Variants in SIRPA observed in about 807,000 individuals in gnomAD.
SIRPA encodes tyrosine-protein phosphatase non-receptor type substrate 1.
SIRPA carries 9 observed loss-of-function variants against 50.3 expected under a neutral mutation model. The observed-to-expected ratio is 0.18, with a 90% CI of 0.11 to 0.31. SIRPA has a LOEUF of 0.31. Among genes scored for constraint, SIRPA ranks in the 10% least tolerant of loss-of-function variants. The pLI, the probability that SIRPA is intolerant of heterozygous loss-of-function variation, is 1.00. For synonymous variants in SIRPA, 265 were observed against 284.1 expected, an observed-to-expected ratio of 0.93 and a Z score of 0.68; for missense variants, 474 against 661.6, an observed-to-expected ratio of 0.72 and a Z score of 3.11.
Position 1,932,313 on chromosome 20 carries a change from C to T in SIRPA, c.1227-2402C>T, listed in dbSNP as rs186509986. On this transcript the variant is annotated intron_variant, in intron 6 of 7. Transcript: ENST00000358771. This position sits in a 1 kb window ranked among gnomAD's most constrained non-coding sequence, Gnocchi z 6.0. ...CAGATCAAGGAGGTGGGGTCTGGGG[C>T]GAGCAGGGAGGGCTTGTCTGCAAGG... Among the ~76,000 whole-genome samples the T allele has an allele frequency of 3.5e-4, 54 of 152,118 alleles. 1 individual carries two copies. The East Asian group carries it at 4.3e-3, about 12-fold the overall frequency.
chr20:1,935,927 A>G (rs886878867), intron 7 of SIRPA, among the ~76,000 whole-genome samples: 2 of 152,184 alleles, frequency 1.3e-5, no homozygotes, highest in African/African-American at 4.8e-5. Context: ...GCTGTGTGCT[A>G]AGAGCACAGT....
At chr20:1,914,201 C>G (rs67558779) in intron 1 of SIRPA, among the ~76,000 whole-genome samples, 62,149 of 151,978 alleles carry the variant, frequency 0.41, 13,000 homozygotes, top group East Asian at 0.66. Context: ...CTTTTCAGAA[C>G]AAAGCAGAGG....
chr20:1,901,555 G>T (rs1395662828), intron 1 of SIRPA, among the ~76,000 whole-genome samples: 1 of 152,166 alleles, frequency 6.6e-6, no homozygotes, highest in Non-Finnish European at 1.5e-5. Flanking sequence ...CCATACTAGA[G>T]AAGGAAGCAT....
rs1463775942 is a variant in SIRPA, at chr20:1,924,396, T to G, written c.1088-368T>G. Among the ~76,000 whole-genome samples, 1 of 152,218 alleles carries G rather than the reference T, an allele frequency of 6.6e-6. No individual in the cohort carries two copies. The highest frequency in any genetic ancestry group is 2.4e-5 in the African/African-American group (1 of 41,462). On this transcript the variant is annotated intron_variant, in intron 4 of 7. Transcript: ENST00000358771. This position sits in a 1 kb window ranked among gnomAD's most constrained non-coding sequence, Gnocchi z 4.5. ...CACTGCCCTTCTTCCAGCTGCTGAT[T>G]CAGTTTCCAGTGGATCTGGGGTGCC...
At position 1,922,638 on chromosome 20, in the gene SIRPA, C is replaced by T. The variant is rs200639123; in HGVS notation, c.1080C>T (p.Thr360=). Residue 360 remains threonine, a synonymous_variant, in exon 4 of 8, where the codon ACC becomes ACT. Coordinates refer to ENST00000358771, the MANE Select transcript of SIRPA (RefSeq NM_001040023.2). ...ACCCGAAGGAGCAGGGCTCAAATAC[C>T]GCCGCTGGTGAGGCCTCTATTTCAG... ...SAHPKEQGSN[T]AAENTGSNER... is the part of the protein sequence containing the mutation. The T allele has an allele frequency of 1.4e-5, 23 of 1,611,864 alleles. No individual in the cohort carries two copies. The highest frequency in any genetic ancestry group is 1.7e-5 in the Admixed American group (1 of 59,494).
chr20:1,903,030 AAAGAAAAG>A (rs1489203928), intron 1 of SIRPA, among the ~76,000 whole-genome samples: 2 of 99,940 alleles, frequency 2.0e-5, no homozygotes, highest in African/African-American at 9.6e-5. Context: ...AAAAAAAAAA[AAAGAAAAG>A]AAAGAAAAGA....
At chr20:1,913,287 G>A (rs963096313) in intron 1 of SIRPA, among the ~76,000 whole-genome samples, 1 of 152,232 alleles carries the variant, frequency 6.6e-6, no homozygotes, top group African/African-American at 2.4e-5. Context: ...AAGACTGGGT[G>A]AGGCTGGGAA....
intron 1 of SIRPA, among the ~76,000 whole-genome samples, chr20:1,904,190 T>C (rs1046672584): frequency 3.9e-5 from 6 of 152,166 alleles, no homozygotes; most frequent in Non-Finnish European, 5.9e-5. Context: ...AGCCCTAAGA[T>C]ATCAGGAAGC....
Position 1,915,432 on chromosome 20 carries a change from C to G in SIRPA, c.413C>G (p.Ala138Gly). 1 of 1,613,274 alleles carries G rather than the reference C, an allele frequency of 6.2e-7. No homozygotes were observed. Among genetic ancestry groups the G allele is most frequent in the South Asian group, 1.1e-5 (1 of 91,048 alleles). ...GATGACGTGGAGTTTAAGTCTGGAG[C>G]AGGCACTGAGCTGTCTGTGCGCGGT... Reference protein sequence around the residue: ...SPDDVEFKSGAGTELSVRAKP... With the variant: ...SPDDVEFKSGGGTELSVRAKP... Residue 138 changes from alanine to glycine, a missense_variant, in exon 2 of 8, where the codon GCA becomes GGA. This residue lies in a region of SIRPA where 221 missense variants were observed against 359.9 expected (regional missense o/e 0.61). Transcript: ENST00000358771.
intron 1 of SIRPA, among the ~76,000 whole-genome samples, chr20:1,914,518 T>C (rs111862284): frequency 0.41 from 60,970 of 150,408 alleles, 12,687 homozygotes; most frequent in East Asian, 0.66. Context: ...CAGTCCTGGG[T>C]TCCAGGTGGG....
Position 1,913,916 on chromosome 20 carries a change from TTG to T in SIRPA, c.80-1178_80-1177del, listed in dbSNP as rs1163994684. ...AATCTCTCCACCCAGGGTCCCTGTCTTGTGTGCCCCAGTGTCTCTGATTGGGG... is the reference window on the plus strand; with the variant it reads ...AATCTCTCCACCCAGGGTCCCTGTCTTGTGCCCCAGTGTCTCTGATTGGGG... On this transcript the variant is annotated intron_variant, in intron 1 of 7. Coordinates refer to ENST00000358771, the MANE Select transcript of SIRPA (RefSeq NM_001040023.2). Among the ~76,000 whole-genome samples the T allele has an allele frequency of 2.0e-5, 3 of 152,200 alleles. No individual in the cohort carries two copies. In the East Asian group the frequency reaches 5.8e-4, roughly 29 times the overall value.
At chr20:1,915,536 TC>T in intron 2 of SIRPA, 81 bp downstream of exon 2, 2 of 1,515,532 alleles carry the variant, frequency 1.3e-6, no homozygotes, top group Non-Finnish European at 1.8e-6. Flanking sequence ...TGAGCAATGA[TC>T]AGGTGTGGTG....
intron 1 of SIRPA, among the ~76,000 whole-genome samples, chr20:1,913,062 T>C (rs1048359181): frequency 6.6e-6 from 1 of 152,242 alleles, no homozygotes; most frequent in Admixed American, 6.5e-5. Flanking sequence ...TCCTGTGCCA[T>C]GAAGATCTTG....
chr20:1,921,831 CT>C, intron 3 of SIRPA, 119 bp downstream of exon 3: 1 of 848,746 alleles, frequency 1.2e-6, no homozygotes, highest in Non-Finnish European at 1.9e-6. Context: ...ACCTAAATTC[CT>C]AACTGCCCAC....
rs1986628588 is a variant in SIRPA at position 1,937,264 on chromosome 20, C to T, written c.1267-56C>T. On this transcript the variant is annotated intron_variant, in intron 7 of 7. Coordinates refer to ENST00000358771, the MANE Select transcript of SIRPA (RefSeq NM_001040023.2). This position sits in a 1 kb window ranked among gnomAD's most constrained non-coding sequence, Gnocchi z 8.3. ...TTGGTATTCAGTTTGAGTGAGTGGGCCAGGGGCTATAGAATGACCTTCTCA... is the reference window on the plus strand; with the variant it reads ...TTGGTATTCAGTTTGAGTGAGTGGGTCAGGGGCTATAGAATGACCTTCTCA... 3.2e-6 allele frequency: 5 copies of T among 1,574,088 alleles called. No homozygotes were observed. The South Asian group carries it at 3.5e-5, about 11-fold the overall frequency.
rs1202021991 is a variant in SIRPA at position 1,927,909 on chromosome 20, T to C, written c.1226+10T>C. On this transcript the variant is annotated intron_variant, in intron 6 of 7. Coordinates refer to ENST00000358771, the MANE Select transcript of SIRPA (RefSeq NM_001040023.2). The surrounding 1 kb of genome is among the most constrained non-coding windows in gnomAD (Gnocchi z 6.5). Reference sequence around the variant, plus strand: ...CCACTTCTTCTACAAGGTAAGTGCATCATTGGTCCAGACCCTCTTGCAGTT... The same window carrying C: ...CCACTTCTTCTACAAGGTAAGTGCACCATTGGTCCAGACCCTCTTGCAGTT... 1 of 1,612,576 alleles carries C rather than the reference T, an allele frequency of 6.2e-7. No individual in the cohort carries two copies. The highest frequency in any genetic ancestry group is 8.5e-7 in the Non-Finnish European group (1 of 1,178,678).
upstream of SIRPA, chr20:1,895,286 G>T: frequency 3.3e-5 from 13 of 398,774 alleles, no homozygotes; most frequent in Non-Finnish European, 5.3e-5. Flanking sequence ...CAAAAACCGC[G>T]GCGGCGGCGG....
At position 1,933,745 on chromosome 20, in the gene SIRPA, A is replaced by G. The variant is rs1359618879; in HGVS notation, c.1227-970A>G. Among the ~76,000 whole-genome samples the G allele has an allele frequency of 2.0e-5, 3 of 152,126 alleles. No individual in the cohort carries two copies. The highest frequency in any genetic ancestry group is 4.4e-5 in the Non-Finnish European group (3 of 68,026). On this transcript the variant is annotated intron_variant, in intron 6 of 7. Coordinates refer to ENST00000358771, the MANE Select transcript of SIRPA (RefSeq NM_001040023.2). The surrounding 1 kb of genome is among the most constrained non-coding windows in gnomAD (Gnocchi z 4.4). The stretch of plus-strand genomic sequence containing the variant: ...CCACTGCTCATTTCTGACATTATCC[A>G]TGCTAACATCCCCGGGGTTGCCGGC...
Position 1,924,916 on chromosome 20 carries a change from C to T in SIRPA, c.1201+39C>T. 1 of 1,531,896 alleles carries T rather than the reference C, an allele frequency of 6.5e-7. No individual in the cohort carries two copies. The highest frequency in any genetic ancestry group is 9.0e-7 in the Non-Finnish European group (1 of 1,105,858). 94.9% of individuals were successfully genotyped at this position (1,531,896 alleles called of 1,614,324 possible). ...CCTCTTCCTCCCTAAGGGTTTGTCCCTGGACTGTCCTCGGAGGGAGACGCC... is the reference window on the plus strand; with the variant it reads ...CCTCTTCCTCCCTAAGGGTTTGTCCTTGGACTGTCCTCGGAGGGAGACGCC... On this transcript the variant is annotated intron_variant, in intron 5 of 7. Transcript: ENST00000358771. This position sits in a 1 kb window ranked among gnomAD's most constrained non-coding sequence, Gnocchi z 4.5.
Sources: allele counts gnomAD v4.1 joint callset (sites outside exome capture counted in the v4.1 genomes callset), GRCh38; gene constraint gnomAD v4.1.1; regional missense constraint gnomAD v4.1.1; non-coding constraint Gnocchi (gnomAD v3.1); transcripts MANE v1.5; gene names NCBI Gene and HGNC (gene_info 2026-07-23, HGNC 2026-07-21).